The following GRAMD2B variants were observed in gnomAD, a reference collection of about 807,000 sequenced individuals.
The protein encoded by GRAMD2B is GRAM domain containing 2B, also known as GRAM domain-containing protein 2B.
Under a neutral mutation model 59.2 loss-of-function variants are expected in GRAMD2B, and 41 were observed. The ratio of observed to expected loss-of-function variants is 0.69; its 90% CI spans 0.54 to 0.90. The LOEUF (loss-of-function observed/expected upper bound fraction) is 0.90. Ranked by LOEUF, GRAMD2B falls within the 40% of genes least tolerant of loss-of-function variation. The pLI is 0.00. For synonymous variants in GRAMD2B, 161 were observed against 182.7 expected (o/e 0.88, Z 0.96); for missense variants, 424 against 500.5 (o/e 0.85, Z 1.46).
At chr5:126,423,357 G>A, upstream of GRAMD2B, 15 of 1,320,458 alleles carry the variant, frequency 1.1e-5, no homozygotes, top group South Asian at 4.2e-5. Flanking sequence ...CTGTCACTTC[G>A]CTTCGACCCT....
chr5:126,440,642 G>T (rs1763134749), intron 1 of GRAMD2B, among the ~76,000 whole-genome samples: 1 of 151,936 alleles, frequency 6.6e-6, no homozygotes, highest in African/African-American at 2.4e-5. Flanking sequence ...AAAAGTACTA[G>T]AAGAAAACAA....
chr5:126,481,358 G>A (rs1286580851), intron 8 of GRAMD2B, among the ~76,000 whole-genome samples: 2 of 152,252 alleles, frequency 1.3e-5, no homozygotes, highest in East Asian at 3.9e-4. Context: ...AGCTCCCTCT[G>A]TGTAAGATTT....
chr5:126,452,203 G>A (rs1421558115), intron 1 of GRAMD2B, among the ~76,000 whole-genome samples: 1 of 152,136 alleles, frequency 6.6e-6, no homozygotes, highest in African/African-American at 2.4e-5. Context: ...CAAATTCAGT[G>A]TCTGGTGAGG....
At chr5:126,379,715 G>T (rs1368299345) in intron 1 of GRAMD2B, among the ~76,000 whole-genome samples, 2 of 152,088 alleles carry the variant, frequency 1.3e-5, no homozygotes, top group East Asian at 1.9e-4. Flanking sequence ...CTTTTGAGAA[G>T]TGTCTATTCA....
intron 1 of GRAMD2B, among the ~76,000 whole-genome samples, chr5:126,409,443 G>A (rs1327928880): frequency 1.3e-5 from 2 of 152,160 alleles, no homozygotes; most frequent in African/African-American, 4.8e-5. Flanking sequence ...GGCCAGTGAT[G>A]GTGAGCATTT....
intron 1 of GRAMD2B, among the ~76,000 whole-genome samples, chr5:126,462,036 C>G (rs929634789): frequency 4.6e-5 from 7 of 152,140 alleles, no homozygotes; most frequent in African/African-American, 1.7e-4. Context: ...GATACTTACA[C>G]CTGCCAGCTC....
upstream of GRAMD2B, chr5:126,423,328 C>T: frequency 3.9e-6 from 5 of 1,295,938 alleles, no homozygotes; most frequent in Non-Finnish European, 4.9e-6. Flanking sequence ...TTCTCTGCCT[C>T]CTGGGTTGGG....
intron 2 of GRAMD2B, among the ~76,000 whole-genome samples, chr5:126,468,887 C>T (rs768243556): frequency 7.2e-5 from 11 of 152,026 alleles, no homozygotes; most frequent in Non-Finnish European, 1.5e-4. Flanking sequence ...CATGTACTGC[C>T]TTTTTAAAAA....
intron 1 of GRAMD2B, among the ~76,000 whole-genome samples, chr5:126,462,654 A>G (rs1427703953): frequency 6.6e-6 from 1 of 152,202 alleles, no homozygotes; most frequent in Non-Finnish European, 1.5e-5. Flanking sequence ...AAAACCAGAC[A>G]TTCCCTGCCT....
At position 126,494,018 on chromosome 5, in the gene GRAMD2B, A is replaced by G. The variant is rs1054057548; in HGVS notation, c.*1062A>G. ...TCTATCTGCAATGCATTTGATAATC[A>G]TTTCTATGAAATGTATTTTATTTAA... On this transcript the variant is annotated 3_prime_UTR_variant, in exon 14 of 14. Transcript: ENST00000285689. 1.3e-5 allele frequency: 2 copies of G among 152,664 alleles called. No individual in the cohort carries two copies. The highest frequency in any genetic ancestry group is 1.3e-4 in the Admixed American group (2 of 15,280). 9.5% of individuals were successfully genotyped at this position (152,664 alleles called of 1,614,324 possible).
intron 1 of GRAMD2B, among the ~76,000 whole-genome samples, chr5:126,410,246 G>A (rs1466055681): frequency 6.6e-6 from 1 of 151,908 alleles, no homozygotes; most frequent in African/African-American, 2.4e-5. Context: ...GTAGCTTGAT[G>A]GGGATGGCAT....
intron 1 of GRAMD2B, among the ~76,000 whole-genome samples, chr5:126,436,386 C>A (rs1762409990): frequency 6.6e-6 from 1 of 152,194 alleles, no homozygotes. Flanking sequence ...CGGTGACTCA[C>A]ACCTATAATC....
At chr5:126,478,379 A>C (rs1771054503) in intron 6 of GRAMD2B, among the ~76,000 whole-genome samples, 1 of 152,280 alleles carries the variant, frequency 6.6e-6, no homozygotes, top group South Asian at 2.1e-4. Context: ...TAAAGGCTGC[A>C]GTGAGCCATG....
intron 1 of GRAMD2B, among the ~76,000 whole-genome samples, chr5:126,462,640 G>GA (rs1387780252): frequency 6.6e-6 from 1 of 152,086 alleles, no homozygotes; most frequent in Non-Finnish European, 1.5e-5. Context: ...GAGTGCTGTG[G>GA]AAAAAAACCA....
At position 126,454,747 on chromosome 5, in the gene GRAMD2B, C is replaced by T. The variant is rs933345676; in HGVS notation, c.84-10679C>T. Among the ~76,000 whole-genome samples, 6 of 152,244 alleles carry T rather than the reference C, an allele frequency of 3.9e-5. No individual in the cohort carries two copies. In the East Asian group the frequency reaches 9.7e-4, roughly 25 times the overall value. The stretch of plus-strand genomic sequence containing the variant: ...GGCCTCTGCTAAACCATTTCTCTAG[C>T]CCTGCTATTGCTGCTGGTGTTTAGG... On this transcript the variant is annotated intron_variant, in intron 1 of 13. Transcript: ENST00000285689.
intron 1 of GRAMD2B, among the ~76,000 whole-genome samples, chr5:126,387,834 G>A (rs1188297382): frequency 6.6e-6 from 1 of 152,088 alleles, no homozygotes; most frequent in Non-Finnish European, 1.5e-5. Flanking sequence ...TGTCTTTAGG[G>A]ACTAGTTCAT....
chr5:126,410,613 T>C (rs754926219), intron 1 of GRAMD2B, among the ~76,000 whole-genome samples: 3 of 152,128 alleles, frequency 2.0e-5, no homozygotes, highest in Admixed American at 6.5e-5. Context: ...GTTTTCTAGA[T>C]ATACAATCAT....
chr5:126,491,587 C>T (rs1404003091), intron 13 of GRAMD2B, among the ~76,000 whole-genome samples: 1 of 152,202 alleles, frequency 6.6e-6, no homozygotes, highest in Non-Finnish European at 1.5e-5. Context: ...GATCCCCTTC[C>T]TCCTCACTCA....
chr5:126,464,992 A>G (rs558565641), intron 1 of GRAMD2B: 4 of 910,146 alleles, frequency 4.4e-6, no homozygotes, highest in East Asian at 2.4e-4. Flanking sequence ...ACAACATGTA[A>G]GTGACATAAG....
Sources: allele counts gnomAD v4.1 joint callset (sites outside exome capture counted in the v4.1 genomes callset), GRCh38; gene constraint gnomAD v4.1.1; transcripts MANE v1.5; gene names NCBI Gene and HGNC (gene_info 2026-07-23, HGNC 2026-07-21).